The following RAB3GAP1 variants were observed in gnomAD, a reference collection of about 807,000 sequenced individuals.
RAB3GAP1 encodes rab3 GTPase-activating protein catalytic subunit.
A neutral mutation model predicts 130.7 loss-of-function variants in RAB3GAP1; 86 were observed. The observed-to-expected ratio is 0.66, with a 90% confidence interval of 0.55 to 0.79. The LOEUF is 0.79. RAB3GAP1 is among the 30% of genes least tolerant of loss of function. The probability of loss-of-function intolerance (pLI) is 0.00; values close to 1 mark genes in which losing one functional copy is unlikely to be tolerated. For missense variants in RAB3GAP1, 1,029 were observed against 1,169.4 expected, an observed-to-expected ratio of 0.88 and a Z score of 1.75; for synonymous variants, 367 against 401.7, an observed-to-expected ratio of 0.91 and a Z score of 1.03.
intron 3 of RAB3GAP1, among the ~76,000 whole-genome samples, chr2:135,071,538 A>G (rs1286904086): frequency 2.0e-5 from 3 of 152,094 alleles, no homozygotes; most frequent in Admixed American, 2.0e-4. Flanking sequence ...AGGTTAAAAA[A>G]AAAAAAAAGA....
intron 5 of RAB3GAP1, among the ~76,000 whole-genome samples, chr2:135,108,810 A>C (rs1428702436): frequency 5.9e-5 from 9 of 152,188 alleles, no homozygotes; most frequent in African/African-American, 1.9e-4. Context: ...GGAGTTTTAT[A>C]ACTTTGCATT....
chr2:135,173,633 G>A (rs1381115571), downstream of RAB3GAP1, among the ~76,000 whole-genome samples: 2 of 152,202 alleles, frequency 1.3e-5, no homozygotes, highest in Non-Finnish European at 2.9e-5. Context: ...TTTGCTAGCA[G>A]GGTGGGTGCA....
chr2:135,086,723 G>A (rs1351844602), intron 3 of RAB3GAP1, among the ~76,000 whole-genome samples: 2 of 142,328 alleles, frequency 1.4e-5, no homozygotes, highest in Non-Finnish European at 1.5e-5. Context: ...ACCCAGGCTG[G>A]AGTGCAGTGG....
chr2:135,061,853 T>A (rs1427223050), intron 3 of RAB3GAP1, among the ~76,000 whole-genome samples: 3 of 152,168 alleles, frequency 2.0e-5, no homozygotes, highest in Non-Finnish European at 4.4e-5. Flanking sequence ...AAGTTTCTTC[T>A]TCCTTTTTTT....
intron 3 of RAB3GAP1, among the ~76,000 whole-genome samples, chr2:135,088,123 G>A (rs375863144): frequency 1.3e-5 from 2 of 152,200 alleles, no homozygotes. Flanking sequence ...CAATAGTACC[G>A]GAATCCAGAA....
At chr2:135,106,554 G>A (rs1370382027) in intron 5 of RAB3GAP1, among the ~76,000 whole-genome samples, 1 of 152,106 alleles carries the variant, frequency 6.6e-6, no homozygotes, top group Non-Finnish European at 1.5e-5. Context: ...CTTGAAGGCA[G>A]CATGCTTCTT....
At chr2:135,075,075 T>C (rs1234395186) in intron 3 of RAB3GAP1, among the ~76,000 whole-genome samples, 1 of 152,184 alleles carries the variant, frequency 6.6e-6, no homozygotes, top group African/African-American at 2.4e-5. Context: ...AAAAAAATGC[T>C]TCTGGAATTT....
At chr2:135,150,157 T>C (rs1029012156) in intron 17 of RAB3GAP1, among the ~76,000 whole-genome samples, 1 of 152,180 alleles carries the variant, frequency 6.6e-6, no homozygotes, top group Non-Finnish European at 1.5e-5. Context: ...GGTAATCTTA[T>C]CTGTGAGGGG....
downstream of RAB3GAP1, among the ~76,000 whole-genome samples, chr2:135,173,326 G>A (rs1331883712): frequency 2.0e-5 from 3 of 151,838 alleles, no homozygotes; most frequent in East Asian, 2.0e-4. Flanking sequence ...GGGATTGAGC[G>A]AGAAAGGAAG....
chr2:135,167,722 A>G lies in RAB3GAP1; in HGVS notation c.2710-823A>G, dbSNP rs1172316238. 4 of 1,481,966 alleles carry G rather than the reference A, an allele frequency of 2.7e-6. No homozygotes were observed. The Admixed American group carries it at 5.9e-5, about 22-fold the overall frequency. 91.8% of individuals were successfully genotyped at this position (1,481,966 alleles called of 1,614,324 possible). A position where few individuals can be genotyped will look rare whatever the true frequency, so the allele number is the denominator to read the frequency against. On this transcript the variant is annotated intron_variant, in intron 23 of 23. Transcript: ENST00000264158. Reference sequence around the variant, plus strand: ...CTGAATCTTCTGATGAGGTAACAAAATAGCCTTTGCCCCTCATAGTTCCTT... The same window carrying G: ...CTGAATCTTCTGATGAGGTAACAAAGTAGCCTTTGCCCCTCATAGTTCCTT...
intron 19 of RAB3GAP1, among the ~76,000 whole-genome samples, chr2:135,161,814 T>G (rs1692474068): frequency 6.6e-6 from 1 of 152,174 alleles, no homozygotes; most frequent in Admixed American, 6.5e-5. Context: ...ACAAGTAGTT[T>G]GAGAGGATAA....
chr2:135,069,618 T>C (rs1261677220), intron 3 of RAB3GAP1, among the ~76,000 whole-genome samples: 1 of 152,230 alleles, frequency 6.6e-6, no homozygotes, highest in African/African-American at 2.4e-5. Flanking sequence ...AAATAAAATA[T>C]TAATTTTTTC....
chr2:135,137,060 A>C lies in RAB3GAP1; in HGVS notation c.1923+1128A>C, dbSNP rs142600374. On this transcript the variant is annotated intron_variant, in intron 17 of 23. Coordinates refer to ENST00000264158, the MANE Select transcript of RAB3GAP1 (RefSeq NM_012233.3). Reference sequence around the variant, plus strand: ...AGCTTTGATGACACCACTGTACTCCAGCCTGGGTAACAAAGACAGACCCTG... The same window carrying C: ...AGCTTTGATGACACCACTGTACTCCCGCCTGGGTAACAAAGACAGACCCTG... 1.5e-3 allele frequency: 383 copies of C among 258,120 alleles called. 3 individuals carry two copies. Among genetic ancestry groups the C allele is most frequent in the African/African-American group, 8.1e-3 (356 of 44,210 alleles). 16.0% of individuals were successfully genotyped at this position (258,120 alleles called of 1,614,324 possible). A position where few individuals can be genotyped will look rare whatever the true frequency, so the allele number is the denominator to read the frequency against.
chr2:135,096,951 T>C (rs1690314131), intron 5 of RAB3GAP1, among the ~76,000 whole-genome samples: 2 of 152,212 alleles, frequency 1.3e-5, no homozygotes, highest in Admixed American at 6.5e-5. Flanking sequence ...GAAACCTTTC[T>C]ATATATTAAT....
chr2:135,104,428 T>C (rs1201707757), intron 5 of RAB3GAP1, among the ~76,000 whole-genome samples: 1 of 152,222 alleles, frequency 6.6e-6, no homozygotes, highest in Non-Finnish European at 1.5e-5. Context: ...TTAGTGGGTC[T>C]AGATATTAGA....
At position 135,103,035 on chromosome 2, in the gene RAB3GAP1, A is replaced by ATTTTTTTTTTTT. The variant is rs539310402; in HGVS notation, c.362+9351_362+9362dup. Among the ~76,000 whole-genome samples the ATTTTTTTTTTTT allele has an allele frequency of 3.5e-3, 322 of 90,876 alleles. 33 individuals carry two copies. The highest frequency in any genetic ancestry group is 9.3e-3 in the South Asian group (22 of 2,356). 59.6% of individuals were successfully genotyped at this position (90,876 alleles called of 152,430 possible). A position where few individuals can be genotyped will look rare whatever the true frequency, so the allele number is the denominator to read the frequency against. ...AAAAAAAAAAAAAATCATTTTTGTG[A>ATTTTTTTTTTTT]TTTTTTTTTTTTTTTTTTTTGAGAC... On this transcript the variant is annotated intron_variant, in intron 5 of 23. Transcript: ENST00000264158.
intron 3 of RAB3GAP1, among the ~76,000 whole-genome samples, chr2:135,063,093 T>TG (rs1438919337): frequency 2.0e-5 from 3 of 152,106 alleles, no homozygotes; most frequent in Non-Finnish European, 4.4e-5. Flanking sequence ...AAATGTGAAG[T>TG]GGGGGGAAAT....
intron 11 of RAB3GAP1, among the ~76,000 whole-genome samples, chr2:135,129,483 A>G (rs534918667): frequency 6.6e-6 from 1 of 151,818 alleles, no homozygotes; most frequent in Non-Finnish European, 1.5e-5. Context: ...ATAAAAAATA[A>G]TAGTAATAAT....
At chr2:135,064,941 G>A (rs16831312) in intron 3 of RAB3GAP1, among the ~76,000 whole-genome samples, 8,949 of 149,640 alleles carry the variant, frequency 0.06, 514 homozygotes, top group African/African-American at 0.15. Flanking sequence ...GTTGTAGAGA[G>A]TGGTTTGCTT....
Sources: allele counts gnomAD v4.1 joint callset (sites outside exome capture counted in the v4.1 genomes callset), GRCh38; gene constraint gnomAD v4.1.1; transcripts MANE v1.5; gene names NCBI Gene and HGNC (gene_info 2026-07-23, HGNC 2026-07-21).